The following ADGRL3 variants were observed in gnomAD, a reference collection of about 807,000 sequenced individuals.
ADGRL3 encodes the protein adhesion G protein-coupled receptor L3.
A neutral mutation model predicts 153.5 loss-of-function variants in ADGRL3; 62 were observed. That is an observed-to-expected ratio of 0.40 (90% CI 0.33 to 0.50). The LOEUF (loss-of-function observed/expected upper bound fraction) is 0.50. Among genes scored for constraint, ADGRL3 ranks in the 20% least tolerant of loss-of-function variants. The pLI is 0.47. For synonymous variants in ADGRL3, 710 were observed against 672.5 expected (o/e 1.06, Z -0.86); for missense variants, 1,641 against 1,859.4 (o/e 0.88, Z 2.16).
chr4:61,501,922 T>A (rs987641326), intron 3 of ADGRL3, among the ~76,000 whole-genome samples: 1 of 152,194 alleles, frequency 6.6e-6, no homozygotes, highest in Non-Finnish European at 1.5e-5. Context: ...TATTTCTCTT[T>A]TTCTGTTTTC....
At chr4:61,967,544 G>A (rs535210613) in intron 17 of ADGRL3, among the ~76,000 whole-genome samples, 2 of 152,292 alleles carry the variant, frequency 1.3e-5, no homozygotes, top group African/African-American at 4.8e-5. Flanking sequence ...ATTTTACTGT[G>A]TAGCTTTACT....
chr4:61,538,243 C>T (rs1350599935), intron 4 of ADGRL3, among the ~76,000 whole-genome samples: 1 of 149,906 alleles, frequency 6.7e-6, no homozygotes, highest in Non-Finnish European at 1.5e-5. Flanking sequence ...GGCTAAGACT[C>T]GTTGTGTGCT....
At chr4:61,594,587 GT>G (rs1170174080) in intron 5 of ADGRL3, among the ~76,000 whole-genome samples, 1 of 152,140 alleles carries the variant, frequency 6.6e-6, no homozygotes, top group Non-Finnish European at 1.5e-5. Context: ...GCAGAGACTT[GT>G]TTTTTCCCCT....
chr4:61,874,789 CTTTTTTTTTTTT>C (rs11432355), intron 9 of ADGRL3, among the ~76,000 whole-genome samples: 9 of 61,518 alleles, frequency 1.5e-4, no homozygotes, highest in East Asian at 6.3e-4. Flanking sequence ...TCAAAATGCT[CTTTTTTTTTTTT>C]TTTTTTTTTT....
chr4:61,210,239 G>A (rs187371933), intron 1 of ADGRL3, among the ~76,000 whole-genome samples: 3 of 152,248 alleles, frequency 2.0e-5, no homozygotes, highest in African/African-American at 7.2e-5. Context: ...TTGCTAAATT[G>A]TACCAGAATT....
At chr4:61,275,356 AAAAGTTACCATTT>A (rs2093409063) in intron 1 of ADGRL3, among the ~76,000 whole-genome samples, 1 of 152,178 alleles carries the variant, frequency 6.6e-6, no homozygotes, top group African/African-American at 2.4e-5. Context: ...CAGTAGTCAC[AAAAGTTACCATTT>A]AATGATAGCT....
At chr4:61,755,710 G>T (rs1344021944) in intron 8 of ADGRL3, among the ~76,000 whole-genome samples, 1 of 152,140 alleles carries the variant, frequency 6.6e-6, no homozygotes, top group Non-Finnish European at 1.5e-5. Flanking sequence ...TATATCTTGA[G>T]TGGTATTGTC....
At chr4:61,417,674 C>T (rs1412646058) in intron 2 of ADGRL3, among the ~76,000 whole-genome samples, 9 of 145,312 alleles carry the variant, frequency 6.2e-5, no homozygotes, top group Admixed American at 2.8e-4. Flanking sequence ...AAATAATAAT[C>T]GATGTTTTAA....
intron 1 of ADGRL3, among the ~76,000 whole-genome samples, chr4:61,272,867 A>G (rs2093270296): frequency 6.6e-6 from 1 of 152,192 alleles, no homozygotes; most frequent in South Asian, 2.1e-4. Flanking sequence ...TATGTTGAAG[A>G]TAAGTCAAAT....
chr4:62,035,255 C>T (rs139234113), intron 23 of ADGRL3, among the ~76,000 whole-genome samples: 180 of 152,070 alleles, frequency 1.2e-3, no homozygotes, highest in African/African-American at 4.1e-3. Flanking sequence ...TTTATATTAT[C>T]GGTTCAGAAC....
At position 62,077,382 on chromosome 4, in the gene ADGRL3, T is replaced by A. The variant is rs1025980144; in HGVS notation, c.*6474T>A. 2.0e-5 allele frequency: 3 copies of A among 151,964 alleles called. No homozygotes were observed. The highest frequency in any genetic ancestry group is 2.9e-5 in the Non-Finnish European group (2 of 67,868). 9.4% of individuals were successfully genotyped at this position (151,964 alleles called of 1,614,324 possible). A position where few individuals can be genotyped will look rare whatever the true frequency, so the allele number is the denominator to read the frequency against. Reference sequence around the variant, plus strand: ...CAATGATCCAAGACTACAAAATTTCTTGCTACATTGGCAAGGAAATATGTT... The same window carrying A: ...CAATGATCCAAGACTACAAAATTTCATGCTACATTGGCAAGGAAATATGTT... On this transcript the variant is annotated 3_prime_UTR_variant, in exon 27 of 27. Transcript: ENST00000683033.
At chr4:61,415,501 CAAT>C (rs2097134954) in intron 2 of ADGRL3, among the ~76,000 whole-genome samples, 1 of 151,982 alleles carries the variant, frequency 6.6e-6, no homozygotes, top group East Asian at 1.9e-4. Context: ...AAAGCAACAA[CAAT>C]GTTATGATCT....
At position 62,070,862 on chromosome 4, in the gene ADGRL3, C is replaced by A; in HGVS notation, c.4586C>A (p.Pro1529His). 1.3e-6 allele frequency: 2 copies of A among 1,551,434 alleles called. No homozygotes were observed. The highest frequency in any genetic ancestry group is 1.7e-6 in the Non-Finnish European group (2 of 1,146,822). ...IVPPNKDGTP[P>H]EGSSKGPAHL... ...CCTCCAAACAAAGATGGGACCCCTC[C>A]CGAGGGAAGTTCAAAAGGACCGGCT... The change falls in exon 27 of 27, where the codon CCC becomes CAC. Residue 1529 changes from proline (P) to histidine (H), a missense_variant. By Grantham distance (77) the Pro-to-His change is moderately conservative. Transcript: ENST00000683033.
chr4:61,294,953 C>A (rs542607234), intron 1 of ADGRL3, among the ~76,000 whole-genome samples: 50 of 151,686 alleles, frequency 3.3e-4, no homozygotes, highest in Middle Eastern at 3.4e-3. Context: ...CCATTATTCG[C>A]GGTTTCACTT....
At chr4:62,066,073 T>C (rs2151901633) in intron 25 of ADGRL3, among the ~76,000 whole-genome samples, 1 of 152,252 alleles carries the variant, frequency 6.6e-6, no homozygotes, top group East Asian at 1.9e-4. Context: ...AATTGTACAC[T>C]ATTTAATGTT....
intron 6 of ADGRL3, among the ~76,000 whole-genome samples, chr4:61,684,207 T>A (rs1445447079): frequency 6.6e-6 from 1 of 152,196 alleles, no homozygotes; most frequent in Non-Finnish European, 1.5e-5. Flanking sequence ...CTGAATGTCA[T>A]TAATTGATAT....
In ADGRL3 at chr4:62,077,709, C is replaced by T. The variant is rs1747590415; in HGVS notation, c.*6801C>T. 1 of 151,854 alleles carries T rather than the reference C, an allele frequency of 6.6e-6. No individual in the cohort carries two copies. The highest frequency in any genetic ancestry group is 1.5e-5 in the Non-Finnish European group (1 of 67,828). 9.4% of individuals were successfully genotyped at this position (151,854 alleles called of 1,614,324 possible). A position where few individuals can be genotyped will look rare whatever the true frequency, so the allele number is the denominator to read the frequency against. Reference sequence around the variant, plus strand: ...TCAAACTGGTTTACATATTGAATGACATTTTGAATCAATAAAAATGAGAAA... The same window carrying T: ...TCAAACTGGTTTACATATTGAATGATATTTTGAATCAATAAAAATGAGAAA... On this transcript the variant is annotated 3_prime_UTR_variant, in exon 27 of 27. Coordinates refer to ENST00000683033, the MANE Select transcript of ADGRL3 (RefSeq NM_001387552.1).
At chr4:61,793,259 CT>C (rs1397633940) in intron 8 of ADGRL3, among the ~76,000 whole-genome samples, 1 of 152,100 alleles carries the variant, frequency 6.6e-6, no homozygotes, top group Admixed American at 6.5e-5. Flanking sequence ...CCCGTCTCTA[CT>C]AAAAATACAA....
chr4:61,232,953 A>G (rs1751371460), intron 1 of ADGRL3, among the ~76,000 whole-genome samples: 1 of 152,220 alleles, frequency 6.6e-6, no homozygotes, highest in Admixed American at 6.5e-5. Context: ...TCTTGCCTCC[A>G]TGCCAGCTTA....
Sources: gnomAD v4.1 joint callset for allele counts (sites outside exome capture counted in the v4.1 genomes callset) on GRCh38, gnomAD v4.1.1 for gene constraint, MANE v1.5 for transcripts, NCBI Gene and HGNC (gene_info 2026-07-23, HGNC 2026-07-21) for gene names.